Variants in ALK observed in about 807,000 individuals in gnomAD.
ALK encodes ALK tyrosine kinase receptor.
ALK carries 74 observed loss-of-function variants against 163.1 expected under a neutral mutation model. The ratio of observed to expected loss-of-function variants is 0.45; its 90% CI spans 0.38 to 0.55. The LOEUF (loss-of-function observed/expected upper bound fraction) is 0.55, where lower values mean the gene tolerates loss of function less well. ALK is among the 20% of genes least tolerant of loss of function. The pLI is 0.00. For missense variants in ALK, 2,063 were observed against 2,105.3 expected, an observed-to-expected ratio of 0.98 and a Z score of 0.39; for synonymous variants, 960 against 843.2, an observed-to-expected ratio of 1.14 and a Z score of -2.40.
At chr2:29,852,832 T>TGCTCTC (rs1298090937) in intron 1 of ALK, among the ~76,000 whole-genome samples, 64 of 148,582 alleles carry the variant, frequency 4.3e-4, no homozygotes, top group African/African-American at 1.5e-3. Flanking sequence ...GACCAGAGCT[T>TGCTCTC]TCTCTCTCTC....
chr2:29,408,047 A>C (rs1000137002), intron 4 of ALK, among the ~76,000 whole-genome samples: 37 of 152,016 alleles, frequency 2.4e-4, no homozygotes, highest in African/African-American at 8.4e-4. Context: ...GGGCCTGGGA[A>C]GATTCTTATA....
intron 5 of ALK, among the ~76,000 whole-genome samples, chr2:29,369,308 TTGTGTGTGTGTG>T (rs3054016): frequency 3.4e-5 from 5 of 145,298 alleles, no homozygotes; most frequent in African/African-American, 1.3e-4. Flanking sequence ...ACGTGCATAT[TTGTGTGTGTGTG>T]TGTGTGTGTG....
chr2:29,656,151 G>A (rs1157660341), intron 3 of ALK, among the ~76,000 whole-genome samples: 1 of 151,918 alleles, frequency 6.6e-6, no homozygotes, highest in Non-Finnish European at 1.5e-5. Flanking sequence ...CACTACAAAG[G>A]GTGAATTTTA....
chr2:29,779,210 T>C (rs1681265417), intron 1 of ALK, among the ~76,000 whole-genome samples: 1 of 151,994 alleles, frequency 6.6e-6, no homozygotes, highest in African/African-American at 2.4e-5. Context: ...GTGGTTTTAC[T>C]AGGCCTCTAG....
chr2:29,823,426 G>T lies in ALK; in HGVS notation c.667+96567C>A, dbSNP rs574216710. Among the ~76,000 whole-genome samples, 96 of 152,268 alleles carry T rather than the reference G, an allele frequency of 6.3e-4. 1 individual carries two copies. Among genetic ancestry groups the T allele is most frequent in the African/African-American group, 2.2e-3 (91 of 41,548 alleles). On this transcript the variant is annotated intron_variant, in intron 1 of 28. Coordinates refer to ENST00000389048, the MANE Select transcript of ALK (RefSeq NM_004304.5). Reference sequence around the variant, plus strand: ...AACAGGCAGAGGCTGGAACAGTTTGGGGGGCTCAGAATAAGACAGGAAAAT... The same window carrying T: ...AACAGGCAGAGGCTGGAACAGTTTGTGGGGCTCAGAATAAGACAGGAAAAT...
rs1172702963 is a variant in ALK, at chr2:29,705,240, AATATATATATATATAT to A, written c.788-10242_788-10227del. Among the ~76,000 whole-genome samples the A allele has an allele frequency of 2.3e-4, 11 of 47,164 alleles. 1 individual carries two copies. In the East Asian group the frequency reaches 5.8e-3, roughly 25 times the overall value. 30.9% of individuals were successfully genotyped at this position (47,164 alleles called of 152,430 possible). ...CTCAACAAAAAAAGAAAAGAAAAGA[AATATATATATATATAT>A]ATATATATATATATATATATATATA... On this transcript the variant is annotated intron_variant, in intron 2 of 28. Coordinates refer to ENST00000389048, the MANE Select transcript of ALK (RefSeq NM_004304.5).
Position 29,413,686 on chromosome 2 carries a change from C to A in ALK, c.1155-29827G>T, listed in dbSNP as rs148076617. Among the ~76,000 whole-genome samples, 1,490 of 152,236 alleles carry A rather than the reference C, an allele frequency of 9.8e-3. 16 individuals are homozygous for A. Among genetic ancestry groups the A allele is most frequent in the Middle Eastern group, 0.061 (18 of 294 alleles). On this transcript the variant is annotated intron_variant, in intron 4 of 28. Coordinates refer to ENST00000389048, the MANE Select transcript of ALK (RefSeq NM_004304.5). ...AGCTGGGACTACAGGCACCCTCCAC[C>A]ATGCCCGGCTAATTTTTTATATATT...
intron 8 of ALK, among the ~76,000 whole-genome samples, chr2:29,305,199 G>A (rs1442835194): frequency 1.3e-5 from 2 of 152,188 alleles, no homozygotes; most frequent in Non-Finnish European, 2.9e-5. Flanking sequence ...CATCACCAAG[G>A]TGTAGAGGGG....
At chr2:29,692,210 G>C (rs1678419169) in intron 3 of ALK, among the ~76,000 whole-genome samples, 1 of 152,156 alleles carries the variant, frequency 6.6e-6, no homozygotes, top group Non-Finnish European at 1.5e-5. Context: ...AATACAGCCT[G>C]ACAATAGCAA....
intron 3 of ALK, among the ~76,000 whole-genome samples, chr2:29,683,974 A>G (rs186155604): frequency 7.4e-4 from 113 of 152,344 alleles, no homozygotes; most frequent in African/African-American, 2.7e-3. Context: ...TCCCTCTTCA[A>G]CTTACGTTGA....
intron 4 of ALK, among the ~76,000 whole-genome samples, chr2:29,494,991 C>T (rs1176622229): frequency 3.9e-5 from 6 of 152,202 alleles, no homozygotes; most frequent in East Asian, 3.9e-4. Context: ...CGCTCACCTG[C>T]GATAGCAGAC....
At chr2:29,860,467 G>T (rs1279301369) in intron 1 of ALK, among the ~76,000 whole-genome samples, 1 of 151,170 alleles carries the variant, frequency 6.6e-6, no homozygotes, top group African/African-American at 2.4e-5. Flanking sequence ...AGATTTCTTG[G>T]ATTACACAGG....
rs73920766 is a variant in ALK at position 29,275,689 on chromosome 2, C to T, written c.1818-193G>A. ...CTGCAATGCAGAGCACTTCCCCTTC[C>T]GAACTATCGCTCCGTACTGTTAATG... On this transcript the variant is annotated intron_variant, in intron 9 of 28. Transcript: ENST00000389048. Among the ~76,000 whole-genome samples the T allele has an allele frequency of 6.2e-3, 941 of 152,302 alleles. 8 individuals are homozygous for T. Among genetic ancestry groups the T allele is most frequent in the African/African-American group, 0.021 (864 of 41,558 alleles).
chr2:29,720,966 C>G (rs1679405003), intron 1 of ALK, among the ~76,000 whole-genome samples: 1 of 152,016 alleles, frequency 6.6e-6, no homozygotes, highest in African/African-American at 2.4e-5. Flanking sequence ...ACTCTTGGAC[C>G]TTGGGAGATG....
chr2:29,230,899 C>T (rs1193354501), intron 15 of ALK, among the ~76,000 whole-genome samples: 1 of 152,164 alleles, frequency 6.6e-6, no homozygotes, highest in Non-Finnish European at 1.5e-5. Flanking sequence ...ACGAGATGGA[C>T]GGAGACCATG....
chr2:29,539,306 G>T (rs1673350200), intron 3 of ALK, among the ~76,000 whole-genome samples: 1 of 152,070 alleles, frequency 6.6e-6, no homozygotes, highest in Admixed American at 6.6e-5. Context: ...TCTCTCTCTT[G>T]CATTGTTACT....
In ALK at chr2:29,233,583, T is replaced by C. The variant is rs1480792153; in HGVS notation, c.2469A>G (p.Gly823=). Residue 823 remains glycine, a synonymous_variant, in exon 14 of 29, where the codon GGA becomes GGG. Coordinates refer to ENST00000389048, the MANE Select transcript of ALK (RefSeq NM_004304.5). ...EWAGGGGGGG[G]ATYVFKMKDG... ...ACCATACCTTAAATACGTAGGTGGC[T>C]CCACCCCCTCCTCCTCCGCCTCCTG... 1 of 1,614,178 alleles carries C rather than the reference T, an allele frequency of 6.2e-7. No homozygotes were observed. The highest frequency in any genetic ancestry group is 8.5e-7 in the Non-Finnish European group (1 of 1,180,022).
intron 1 of ALK, among the ~76,000 whole-genome samples, chr2:29,774,363 C>T (rs114453071): frequency 0.01 from 1,598 of 152,290 alleles, 36 homozygotes; most frequent in African/African-American, 0.037. Context: ...AGCTGTGGGG[C>T]TTTCTTGTTC....
At chr2:29,645,705 T>C (rs1286423643) in intron 3 of ALK, among the ~76,000 whole-genome samples, 4 of 151,972 alleles carry the variant, frequency 2.6e-5, no homozygotes, top group Non-Finnish European at 5.9e-5. Context: ...CATCCAGTGG[T>C]CAACCCTCAG....
Sources: gnomAD v4.1 joint callset for allele counts (sites outside exome capture counted in the v4.1 genomes callset) on GRCh38, gnomAD v4.1.1 for gene constraint, MANE v1.5 for transcripts, NCBI Gene and HGNC (gene_info 2026-07-23, HGNC 2026-07-21) for gene names.